MPZ: variants seen among roughly 807,000 people sequenced by gnomAD.
MPZ encodes myelin protein zero.
In MPZ, 13 loss-of-function variants were observed where a neutral mutation model predicts 27.9. The ratio of observed to expected loss-of-function variants is 0.47; its 90% CI spans 0.30 to 0.74. The LOEUF (loss-of-function observed/expected upper bound fraction) is 0.74. Ranked by LOEUF, MPZ falls within the 30% of genes least tolerant of loss-of-function variation. The pLI is 0.06. For missense variants in MPZ, 256 were observed against 317.5 expected (o/e 0.81, Z 1.47); for synonymous variants, 118 against 128.9 (o/e 0.92, Z 0.57).
At chr1:161,306,502 G>C in intron 3 of MPZ, 38 bp from the exon 4 acceptor site, 1 of 1,614,010 alleles carries the variant, frequency 6.2e-7, no homozygotes, top group Non-Finnish European at 8.5e-7. Flanking sequence ...GAATGAGCAG[G>C]GCCCTGTATC....
chr1:161,309,648 T>A (rs1424888397), intron 1 of MPZ, among the ~76,000 whole-genome samples, 191 bp downstream of exon 1: 1 of 150,478 alleles, frequency 6.6e-6, no homozygotes, highest in South Asian at 2.1e-4. Flanking sequence ...CACCTTGGCC[T>A]CCCAAAGTGC....
chr1:161,309,162 AAC>A (rs1488582426), intron 1 of MPZ, among the ~76,000 whole-genome samples: 4 of 152,258 alleles, frequency 2.6e-5, no homozygotes, highest in Admixed American at 6.5e-5. Flanking sequence ...AATCTCATAG[AAC>A]CTCACTCCAT....
chr1:161,305,727 T>C lies in MPZ; in HGVS notation c.*149A>G. On this transcript the variant is annotated 3_prime_UTR_variant, in exon 6 of 6. Transcript: ENST00000533357. ...GCCCATCATGTTCTTGAGGGCGTTT[T>C]TGAGGCTGGTTCTGCTGGGGGACTT... 4.8e-6 allele frequency: 3 copies of C among 626,328 alleles called. No homozygotes were observed. The highest frequency in any genetic ancestry group is 3.9e-5 in the South Asian group (2 of 50,988). 38.8% of individuals were successfully genotyped at this position (626,328 alleles called of 1,614,324 possible).
intron 1 of MPZ, among the ~76,000 whole-genome samples, chr1:161,309,552 A>ATATATTTTTTTTTTTTTTTTT: frequency 5.0e-5 from 4 of 80,636 alleles, no homozygotes; most frequent in African/African-American, 2.3e-4. Flanking sequence ...ATATATATAT[A>ATATATTTTTTTTTTTTTTTTT]TTTTTTTTTT....
At position 161,307,330 on chromosome 1, in the gene MPZ, G is replaced by T. The variant is rs373911573; in HGVS notation, c.162C>A (p.Ser54=). The T allele has an allele frequency of 2.2e-5, 36 of 1,614,168 alleles. No homozygotes were observed. Among genetic ancestry groups the T allele is most frequent in the Non-Finnish European group, 3.1e-5 (36 of 1,180,068 alleles). ...AGATGTCATCTGAGACCCACTCACTGGACCAGAAGGAGCAGTGCAGGGTCA... is the reference window on the plus strand; with the variant it reads ...AGATGTCATCTGAGACCCACTCACTTGACCAGAAGGAGCAGTGCAGGGTCA... ...SRVTLHCSFW[S]SEWVSDDISF... The change falls in exon 2 of 6, where the codon TCC becomes TCA. Residue 54 remains serine, a synonymous_variant. Coordinates refer to ENST00000533357, the MANE Select transcript of MPZ (RefSeq NM_000530.8).
chr1:161,309,552 A>ATTTTTTTTTTTTTTTTTTTTTTTTTTTTT (rs1215409194), intron 1 of MPZ, among the ~76,000 whole-genome samples: 4 of 80,642 alleles, frequency 5.0e-5, no homozygotes, highest in Non-Finnish European at 7.1e-5. Context: ...ATATATATAT[A>ATTTTTTTTTTTTTTTTTTTTTTTTTTTTT]TTTTTTTTTT....
At position 161,305,981 on chromosome 1, in the gene MPZ, G is replaced by A. The variant is rs1274611002; in HGVS notation, c.646-4C>T. On this transcript the variant is annotated splice_region_variant and splice_polypyrimidine_tract_variant and intron_variant, in intron 5 of 5. Coordinates refer to ENST00000533357, the MANE Select transcript of MPZ (RefSeq NM_000530.8). ...GCATTGCATACAGCACTGGCGTCTG[G>A]GGGAGGGGCGCACACATCAGTCACC... 5.0e-6 allele frequency: 8 copies of A among 1,613,616 alleles called. No individual in the cohort carries two copies. The East Asian group carries it at 6.7e-5, about 13-fold the overall frequency.
rs754710693 is a variant in MPZ, at chr1:161,305,883, T to C, written c.740A>G (p.Lys247Arg). 1 of 1,608,634 alleles carries C rather than the reference T, an allele frequency of 6.2e-7. No homozygotes were observed. Among genetic ancestry groups the C allele is most frequent in the Admixed American group, 1.7e-5 (1 of 59,938 alleles). The change falls in exon 6 of 6, where the codon AAG (lysine) becomes AGG (arginine). Residue 247 changes from lysine to arginine, a missense_variant. By Grantham distance (26) the Lys-to-Arg change is conservative. This residue lies in a region of MPZ where 101 missense variants were observed against 93.6 expected (regional missense o/e 1.08). Coordinates refer to ENST00000533357, the MANE Select transcript of MPZ (RefSeq NM_000530.8). ...CGCCCGGCCCGCTAACCGCTATTTC[T>C]TATCCTTGCGAGACTCCCCCAGCCC... ...AKGLGESRKD[K>R]K
chr1:161,309,778 G>A, intron 1 of MPZ, 61 bp downstream of exon 1: 1 of 1,333,712 alleles, frequency 7.5e-7, no homozygotes, highest in South Asian at 1.3e-5. Flanking sequence ...AGCAAAGGCT[G>A]TGGGGATTGC....
chr1:161,306,371 T>C lies in MPZ; in HGVS notation c.542A>G (p.Tyr181Cys), dbSNP rs372051998. Residue 181 changes from tyrosine to cysteine, a missense_variant, in exon 4 of 6, where the codon TAC (tyrosine) becomes TGC (cysteine). This residue lies in a region of MPZ where 101 missense variants were observed against 93.6 expected (regional missense o/e 1.08). Transcript: ENST00000533357. ...LLLLLFYVVR[Y>C]CWLRRQAALQ... ...GGCCGCCTGCCTGCGTAGCCAGCAG[T>C]ACCGAACCACGTAGAAAAGCAGCAG... 2 of 1,613,908 alleles carry C rather than the reference T, an allele frequency of 1.2e-6. No individual in the cohort carries two copies. Among genetic ancestry groups the C allele is most frequent in the Non-Finnish European group, 1.7e-6 (2 of 1,180,020 alleles).
At chr1:161,309,552 A>ATATATATATATTTTTTTTTTTTTTTTTTT in intron 1 of MPZ, among the ~76,000 whole-genome samples, 1 of 80,646 alleles carries the variant, frequency 1.2e-5, no homozygotes, top group African/African-American at 5.8e-5. Flanking sequence ...ATATATATAT[A>ATATATATATATTTTTTTTTTTTTTTTTTT]TTTTTTTTTT....
chr1:161,303,906 C>T (rs142196745), downstream of MPZ, among the ~76,000 whole-genome samples: 44 of 152,124 alleles, frequency 2.9e-4, no homozygotes, highest in Non-Finnish European at 4.7e-4. Flanking sequence ...CAAATGGAAG[C>T]ACTCTGGGTT....
At chr1:161,309,688 A>C in intron 1 of MPZ, 151 bp downstream of exon 1, 1 of 723,830 alleles carries the variant, frequency 1.4e-6, no homozygotes, top group Non-Finnish European at 2.5e-6. Context: ...CACCATGCCC[A>C]GCCGCATATT....
At chr1:161,309,552 A>ATATATTTTTTTTTTTTTTT in intron 1 of MPZ, among the ~76,000 whole-genome samples, 21 of 80,616 alleles carry the variant, frequency 2.6e-4, no homozygotes, top group African/African-American at 1.1e-3. Context: ...ATATATATAT[A>ATATATTTTTTTTTTTTTTT]TTTTTTTTTT....
In MPZ at chr1:161,307,345, G is replaced by C. The variant is rs757944234; in HGVS notation, c.147C>G (p.His49Gln). ...HGAVGSRVTL[H>Q]CSFWSSEWVS... ...CCCACTCACTGGACCAGAAGGAGCAGTGCAGGGTCACCCGGGAGCCCACAG... is the reference window on the plus strand; with the variant it reads ...CCCACTCACTGGACCAGAAGGAGCACTGCAGGGTCACCCGGGAGCCCACAG... The change falls in exon 2 of 6, where the codon CAC becomes CAG. Residue 49 changes from histidine (H) to glutamine (Q), a missense_variant. Physicochemically the swap from His to Gln is conservative, Grantham distance 24. This residue lies in a region of MPZ where 155 missense variants were observed against 223.9 expected (regional missense o/e 0.69). Coordinates refer to ENST00000533357, the MANE Select transcript of MPZ (RefSeq NM_000530.8). 1 of 1,614,162 alleles carries C rather than the reference G, an allele frequency of 6.2e-7. No individual in the cohort carries two copies.
Position 161,306,476 on chromosome 1 carries a change from G to A in MPZ, c.449-12C>T, listed in dbSNP as rs1197568409. 1 of 1,614,082 alleles carries A rather than the reference G, an allele frequency of 6.2e-7. No homozygotes were observed. Among genetic ancestry groups the A allele is most frequent in the Non-Finnish European group, 8.5e-7 (1 of 1,180,034 alleles). On this transcript the variant is annotated splice_polypyrimidine_tract_variant and intron_variant, in intron 3 of 5. Transcript: ENST00000533357. Reference sequence around the variant, plus strand: ...GTACCTAGTTGGCACTAGGAGGGGTGGGAAAAGAAGTGGGAGAATGAGCAG... The same window carrying A: ...GTACCTAGTTGGCACTAGGAGGGGTAGGAAAAGAAGTGGGAGAATGAGCAG...
chr1:161,309,941 G>C lies in MPZ; in HGVS notation c.-36C>G. ...GGGGCAGGGGCCCGGAGCATCTGTG[G>C]GGTTGAGAAAGTGGGGGACCAGGAA... On this transcript the variant is annotated 5_prime_UTR_variant, in exon 1 of 6. Transcript: ENST00000533357. 6.5e-7 allele frequency: 1 copy of C among 1,533,346 alleles called. No homozygotes were observed. Among genetic ancestry groups the C allele is most frequent in the Non-Finnish European group, 8.9e-7 (1 of 1,125,362 alleles). The allele number at this position is 1,533,346 out of a possible 1,614,324, so 95.0% of individuals were successfully genotyped here.
At chr1:161,308,056 CT>C (rs1363160807) in intron 1 of MPZ, among the ~76,000 whole-genome samples, 1 of 152,120 alleles carries the variant, frequency 6.6e-6, no homozygotes, top group African/African-American at 2.4e-5. Context: ...ACTTACGTAT[CT>C]GGAGGAGCTT....
chr1:161,306,804 C>G lies in MPZ; in HGVS notation c.352G>C (p.Asp118His). The change falls in exon 3 of 6, where the codon GAC (aspartate) becomes CAC (histidine). Residue 118 changes from aspartate (D) to histidine (H), a missense_variant. This residue lies in a region of MPZ where 155 missense variants were observed against 223.9 expected (regional missense o/e 0.69). Coordinates refer to ENST00000533357, the MANE Select transcript of MPZ (RefSeq NM_000530.8). Reference sequence around the variant, plus strand: ...GTGAACGTGCCATTGTCACTGTAGTCTAGGTTGTGTATGACAATGGAGCCA... The same window carrying G: ...GTGAACGTGCCATTGTCACTGTAGTGTAGGTTGTGTATGACAATGGAGCCA... ...KDGSIVIHNL[D>H]YSDNGTFTCD... The G allele has an allele frequency of 6.2e-7, 1 of 1,613,908 alleles. No individual in the cohort carries two copies. The highest frequency in any genetic ancestry group is 2.2e-5 in the East Asian group (1 of 44,858).
Sources: gnomAD v4.1 joint callset for allele counts (sites outside exome capture counted in the v4.1 genomes callset) on GRCh38, gnomAD v4.1.1 for gene constraint, gnomAD v4.1.1 regional missense constraint, MANE v1.5 for transcripts, NCBI Gene and HGNC (gene_info 2026-07-23, HGNC 2026-07-21) for gene names.